CENPQ: variants seen among roughly 807,000 people sequenced by gnomAD.
CENPQ encodes the protein centromere protein Q, also known as chromosome 6 open reading frame 139.
In CENPQ, 27 loss-of-function variants were observed where a neutral mutation model predicts 36.6. That is an observed-to-expected ratio of 0.74 (90% CI 0.54 to 1.02). The LOEUF is 1.02. Ranked by LOEUF, CENPQ falls within the 50% of genes least tolerant of loss-of-function variation. The probability of loss-of-function intolerance (pLI) is 0.00; values close to 1 mark genes in which losing one functional copy is unlikely to be tolerated. For missense variants in CENPQ, 306 were observed against 301.8 expected, an observed-to-expected ratio of 1.01 and a Z score of -0.10; for synonymous variants, 101 against 101.7, an observed-to-expected ratio of 0.99 and a Z score of 0.04.
In CENPQ at chr6:49,482,335, C is replaced by T. The variant is rs555143799; in HGVS notation, c.477+1255C>T. On this transcript the variant is annotated intron_variant, in intron 6 of 8. Transcript: ENST00000335783. ...AAAGTGGGAGCCCAGGCAGAGGAGG[C>T]GCCGAGAGTGAGCGAGGGCTGCAAG... Among the ~76,000 whole-genome samples, 34 of 152,300 alleles carry T rather than the reference C, an allele frequency of 2.2e-4. No individual in the cohort carries two copies. The East Asian group carries it at 5.3e-3, about 24-fold the overall frequency.
At chr6:49,466,757 A>G (rs1172567019) in intron 1 of CENPQ, among the ~76,000 whole-genome samples, 1 of 152,144 alleles carries the variant, frequency 6.6e-6, no homozygotes, top group African/African-American at 2.4e-5. Context: ...TCTTTGTTAC[A>G]TCATTTTTGC....
chr6:49,465,883 C>T (rs1012162310), intron 1 of CENPQ, among the ~76,000 whole-genome samples: 1 of 152,212 alleles, frequency 6.6e-6, no homozygotes, highest in Non-Finnish European at 1.5e-5. Context: ...TGGAATAGCA[C>T]TTTAAATTTC....
chr6:49,486,656 G>A (rs893409925), intron 6 of CENPQ, among the ~76,000 whole-genome samples: 76 of 152,120 alleles, frequency 5.0e-4, no homozygotes, highest in African/African-American at 1.7e-3. Flanking sequence ...AATTGAAAAT[G>A]TGAACACTAA....
chr6:49,475,100 C>G (rs1256550980), intron 5 of CENPQ, among the ~76,000 whole-genome samples: 1 of 152,116 alleles, frequency 6.6e-6, no homozygotes, highest in Non-Finnish European at 1.5e-5. Flanking sequence ...TGGAACCATT[C>G]CTTCTGAAAC....
chr6:49,475,089 C>T (rs1383500637), intron 5 of CENPQ, among the ~76,000 whole-genome samples: 3 of 152,164 alleles, frequency 2.0e-5, no homozygotes, highest in Non-Finnish European at 4.4e-5. Context: ...CAAGGAGGAG[C>T]TGGAACCATT....
intron 5 of CENPQ, among the ~76,000 whole-genome samples, chr6:49,474,549 C>T (rs1294735401): frequency 6.6e-6 from 1 of 151,782 alleles, no homozygotes; most frequent in African/African-American, 2.4e-5. Context: ...GCACTAAATG[C>T]CCACAAGAGA....
At chr6:49,467,915 T>C (rs1456587278) in intron 1 of CENPQ, among the ~76,000 whole-genome samples, 1 of 152,064 alleles carries the variant, frequency 6.6e-6, no homozygotes, top group African/African-American at 2.4e-5. Flanking sequence ...GCAGAATTAC[T>C]CAAAGTGTGT....
Position 49,480,998 on chromosome 6 carries a change from A to G in CENPQ, c.395A>G (p.Glu132Gly), listed in dbSNP as rs759348406. 5 of 1,609,304 alleles carry G rather than the reference A, an allele frequency of 3.1e-6. No homozygotes were observed. In the Admixed American group the frequency reaches 6.7e-5, roughly 22 times the overall value. ...CTGAAAGTCCCTCCCAAAAAGATGG[A>G]AGATTTAACTAATGTATCAAGTCTA... ...ETLKVPPKKM[E>G]DLTNVSSLLN... Residue 132 changes from glutamate (E) to glycine (G), a missense_variant, in exon 6 of 9, where the codon GAA (glutamate) becomes GGA (glycine). Coordinates refer to ENST00000335783, the MANE Select transcript of CENPQ (RefSeq NM_018132.4).
intron 6 of CENPQ, among the ~76,000 whole-genome samples, chr6:49,481,581 G>A (rs922550213): frequency 6.6e-6 from 1 of 152,202 alleles, no homozygotes; most frequent in African/African-American, 2.4e-5. Context: ...ACCCGAGAGG[G>A]TTGCCACTGC....
chr6:49,486,954 C>A (rs2501964), intron 6 of CENPQ, among the ~76,000 whole-genome samples: 54,162 of 150,090 alleles, frequency 0.36, 10,360 homozygotes, highest in Admixed American at 0.54. Context: ...CAAGACCAGC[C>A]TGGCCAACAT....
chr6:49,472,477 G>C (rs764086266), intron 4 of CENPQ, among the ~76,000 whole-genome samples: 6 of 152,122 alleles, frequency 3.9e-5, no homozygotes, highest in African/African-American at 7.2e-5. Flanking sequence ...AGTTCAAAGT[G>C]ACACTTTACA....
In CENPQ at chr6:49,481,081, G is replaced by A; in HGVS notation, c.477+1G>A. On this transcript the variant is annotated splice_donor_variant, in intron 6 of 8. Transcript: ENST00000335783. LOFTEE classifies it high-confidence loss of function. ...TGAAGAAGGTCTGGCATTACTACAG[G>A]TATGAAATTTGAATAGGGAATCCAT... 1.3e-6 allele frequency: 2 copies of A among 1,592,454 alleles called. No individual in the cohort carries two copies. The highest frequency in any genetic ancestry group is 1.7e-6 in the Non-Finnish European group (2 of 1,173,770).
intron 6 of CENPQ, among the ~76,000 whole-genome samples, chr6:49,487,035 C>A (rs1768599508): frequency 6.6e-6 from 1 of 150,558 alleles, no homozygotes; most frequent in Non-Finnish European, 1.5e-5. Context: ...TGCCTGTAGT[C>A]CCAGCTACTT....
intron 5 of CENPQ, among the ~76,000 whole-genome samples, chr6:49,475,639 T>C (rs1193297412): frequency 3.3e-5 from 5 of 152,208 alleles, no homozygotes; most frequent in Admixed American, 1.3e-4. Flanking sequence ...AAATTGTCCC[T>C]GTTTGCAGAT....
Position 49,492,133 on chromosome 6 carries a change from C to T in CENPQ, c.676-11C>T. ...TGTTAACAACTACATTTAATACTAT[C>T]TTTCCCACAGAAAGAAATTTTGGCG... On this transcript the variant is annotated splice_polypyrimidine_tract_variant and intron_variant, in intron 8 of 8. Coordinates refer to ENST00000335783, the MANE Select transcript of CENPQ (RefSeq NM_018132.4). 1 of 1,592,066 alleles carries T rather than the reference C, an allele frequency of 6.3e-7. No homozygotes were observed.
At chr6:49,467,437 A>G (rs1165549552) in intron 1 of CENPQ, among the ~76,000 whole-genome samples, 3 of 152,186 alleles carry the variant, frequency 2.0e-5, no homozygotes, top group Non-Finnish European at 4.4e-5. Flanking sequence ...CAGGGATTAT[A>G]TAAGAAGTTT....
chr6:49,492,548 G>T lies in CENPQ; in HGVS notation c.*273G>T. ...AACCATAAAATAGGAATTGCCTTAA[G>T]GATCTAGTAGTTTATAATGCCTGAA... On this transcript the variant is annotated 3_prime_UTR_variant, in exon 9 of 9. Transcript: ENST00000335783. 3.5e-6 allele frequency: 1 copy of T among 281,794 alleles called. No homozygotes were observed. Among genetic ancestry groups the T allele is most frequent in the Non-Finnish European group, 6.5e-6 (1 of 154,310 alleles). 17.5% of individuals were successfully genotyped at this position (281,794 alleles called of 1,614,324 possible). A position where few individuals can be genotyped will look rare whatever the true frequency, so the allele number is the denominator to read the frequency against.
intron 5 of CENPQ, among the ~76,000 whole-genome samples, chr6:49,478,551 T>C (rs1432522704): frequency 6.6e-6 from 1 of 152,152 alleles, no homozygotes; most frequent in East Asian, 1.9e-4. Context: ...GCTATAGTCA[T>C]AGGCAGCTTC....
rs59219077 is a variant in CENPQ, at chr6:49,483,289, T to G, written c.477+2209T>G. ...AGATACAGAGTGCAGATTGGTGTAT[T>G]TACAATCCCTTAGCTAGACATAAAG... On this transcript the variant is annotated intron_variant, in intron 6 of 8. Coordinates refer to ENST00000335783, the MANE Select transcript of CENPQ (RefSeq NM_018132.4). Among the ~76,000 whole-genome samples the G allele has an allele frequency of 3.9e-3, 601 of 152,234 alleles. 3 individuals are homozygous for G. The highest frequency in any genetic ancestry group is 0.014 in the African/African-American group (568 of 41,542).
Sources: gnomAD v4.1 joint callset for allele counts (sites outside exome capture counted in the v4.1 genomes callset) on GRCh38, gnomAD v4.1.1 for gene constraint, MANE v1.5 for transcripts, NCBI Gene and HGNC (gene_info 2026-07-23, HGNC 2026-07-21) for gene names.